Variants in IL17B observed in about 807,000 individuals in gnomAD.
IL17B encodes interleukin 17B, also known as interleukin-17B.
IL17B carries 14 observed loss-of-function variants against 14.7 expected under a neutral mutation model. The observed-to-expected ratio is 0.95, with a 90% CI of 0.63 to 1.49. IL17B has a LOEUF of 1.49. IL17B is among the 40% of genes most tolerant of loss of function. IL17B has a pLI of 0.00. For synonymous variants in IL17B, 105 were observed against 94.8 expected (o/e 1.11, Z -0.62); for missense variants, 233 against 252.8 (o/e 0.92, Z 0.53).
intron 2 of IL17B, among the ~76,000 whole-genome samples, chr5:149,375,536 C>G (rs1309412835): frequency 1.3e-5 from 2 of 152,224 alleles, no homozygotes; most frequent in Non-Finnish European, 2.9e-5. Context: ...ACCGACCCTT[C>G]CAATGGTCAC....
chr5:149,395,345 T>C (rs1004592655), intron 1 of IL17B, among the ~76,000 whole-genome samples: 5 of 152,242 alleles, frequency 3.3e-5, no homozygotes, highest in South Asian at 2.1e-4. Context: ...CACATGCATG[T>C]GTCTTTATGG....
intron 1 of IL17B, among the ~76,000 whole-genome samples, chr5:149,386,833 G>A (rs1368510671): frequency 6.6e-6 from 1 of 152,168 alleles, no homozygotes; most frequent in Non-Finnish European, 1.5e-5. Context: ...AGCCTCCCAA[G>A]TAGCTGAGGT....
chr5:149,376,991 A>C lies in IL17B; in HGVS notation c.56T>G (p.Leu19Arg). 1.3e-6 allele frequency: 2 copies of C among 1,572,112 alleles called. No individual in the cohort carries two copies. The highest frequency in any genetic ancestry group is 1.7e-6 in the Non-Finnish European group (2 of 1,164,276). The change falls in exon 2 of 3, where the codon CTG becomes CGG. Residue 19 changes from leucine (L) to arginine (R), a missense_variant. By Grantham distance (102) the Leu-to-Arg change is moderately radical. Coordinates refer to ENST00000261796, the MANE Select transcript of IL17B (RefSeq NM_014443.3). ...GCTTTTGGGGCTCCTGGGCTGGCCCAGCCCCAGGAAGATGGAAATGGTAAG... is the reference window on the plus strand; with the variant it reads ...GCTTTTGGGGCTCCTGGGCTGGCCCCGCCCCAGGAAGATGGAAATGGTAAG... ...FLLTISIFLG[L>R]GQPRSPKSKR... is the part of the protein sequence containing the mutation.
upstream of IL17B, chr5:149,379,324 G>T: frequency 7.0e-7 from 1 of 1,425,916 alleles, no homozygotes; most frequent in East Asian, 2.3e-5. Flanking sequence ...AGCAATTATA[G>T]CTCAACTGGG....
chr5:149,394,737 TTC>T (rs1453342894), intron 1 of IL17B, among the ~76,000 whole-genome samples: 1 of 152,236 alleles, frequency 6.6e-6, no homozygotes, highest in Non-Finnish European at 1.5e-5. Flanking sequence ...AGCTGTTTTT[TTC>T]TTTCTTTTAG....
upstream of IL17B, chr5:149,379,297 G>A (rs1032485910): frequency 1.3e-6 from 2 of 1,585,400 alleles, no homozygotes; most frequent in Admixed American, 3.4e-5. Flanking sequence ...GAGAATGGCA[G>A]CAACAGGATG....
chr5:149,374,519 G>A lies in IL17B; in HGVS notation c.393C>T (p.Thr131=). ...TCACCATGCTGCGGTCCTCCTGCATGGTGAAGGGGTTCACACAGCCCAGAC... is the reference window on the plus strand; with the variant it reads ...TCACCATGCTGCGGTCCTCCTGCATAGTGAAGGGGTTCACACAGCCCAGAC... ...CLCLGCVNPF[T]MQEDRSMVSV... Residue 131 remains threonine (T), a synonymous_variant, in exon 3 of 3, where the codon ACC becomes ACT. Transcript: ENST00000261796. This position sits in a 1 kb window ranked among gnomAD's most constrained non-coding sequence, Gnocchi z 5.0. 6.2e-7 allele frequency: 1 copy of A among 1,613,310 alleles called. No individual in the cohort carries two copies.
chr5:149,403,218 G>A (rs938672392), intron 1 of IL17B, among the ~76,000 whole-genome samples: 3 of 151,878 alleles, frequency 2.0e-5, no homozygotes, highest in Admixed American at 1.3e-4. Context: ...CCAAGGAGCT[G>A]GGATTACAGG....
Position 149,376,963 on chromosome 5 carries a change from C to T in IL17B, c.84G>A (p.Lys28=). The stretch of plus-strand genomic sequence containing the variant: ...GCCCAGGCCGCCCTTGCCCCTTCCT[C>T]TTGCTTTTGGGGCTCCTGGGCTGGC... The part of the protein sequence containing the change: ...GLGQPRSPKS[K]RKGQGRPGPL... Residue 28 remains lysine (K), a synonymous_variant, in exon 2 of 3, where the codon AAG becomes AAA. Coordinates refer to ENST00000261796, the MANE Select transcript of IL17B (RefSeq NM_014443.3). The T allele has an allele frequency of 1.9e-6, 3 of 1,605,288 alleles. No individual in the cohort carries two copies. Among genetic ancestry groups the T allele is most frequent in the Non-Finnish European group, 2.5e-6 (3 of 1,176,710 alleles).
chr5:149,393,060 T>C (rs1759018802), intron 1 of IL17B, among the ~76,000 whole-genome samples: 1 of 152,048 alleles, frequency 6.6e-6, no homozygotes, highest in South Asian at 2.1e-4. Flanking sequence ...CGCATGTGTG[T>C]CTGCGTGTGT....
At chr5:149,377,653 A>G (rs553835933) in intron 1 of IL17B, among the ~76,000 whole-genome samples, 1 of 152,282 alleles carries the variant, frequency 6.6e-6, no homozygotes, top group Admixed American at 6.5e-5. Flanking sequence ...CAAGTCCAGG[A>G]TGGGCCCATT....
chr5:149,399,154 C>T (rs1352318067), intron 1 of IL17B, among the ~76,000 whole-genome samples: 1 of 152,164 alleles, frequency 6.6e-6, no homozygotes, highest in East Asian at 1.9e-4. Context: ...ACTATGGGAG[C>T]TACAAGACGA....
intron 1 of IL17B, among the ~76,000 whole-genome samples, chr5:149,401,562 G>A (rs955673098): frequency 6.6e-6 from 1 of 152,016 alleles, no homozygotes; most frequent in Non-Finnish European, 1.5e-5. Context: ...AAACTAGCCG[G>A]GTGTGGCAGC....
At chr5:149,380,573 C>T (rs1758667195), upstream of IL17B, among the ~76,000 whole-genome samples, 4 of 152,100 alleles carry the variant, frequency 2.6e-5, no homozygotes, top group Admixed American at 2.6e-4. Context: ...GCTCAACTGA[C>T]CACCTCCTCT....
rs1204927895 is a variant in IL17B at position 149,374,891 on chromosome 5, T to C, written c.312-291A>G. ...CCAGTACTAGGTTGCGCTGTGGGGA[T>C]TGTGGAGTAGCCCTCTACCACCTAG... On this transcript the variant is annotated intron_variant, in intron 2 of 2. Transcript: ENST00000261796. This position sits in a 1 kb window ranked among gnomAD's most constrained non-coding sequence, Gnocchi z 5.0. The C allele has an allele frequency of 2.9e-6, 1 of 343,964 alleles. No individual in the cohort carries two copies. Among genetic ancestry groups the C allele is most frequent in the Non-Finnish European group, 5.4e-6 (1 of 185,736 alleles). The allele number at this position is 343,964 out of a possible 1,614,324, so 21.3% of individuals were successfully genotyped here. A position where few individuals can be genotyped will look rare whatever the true frequency, so the allele number is the denominator to read the frequency against.
upstream of IL17B, among the ~76,000 whole-genome samples, chr5:149,383,934 CCAAGT>C (rs1758764166): frequency 6.6e-6 from 1 of 152,212 alleles, no homozygotes; most frequent in African/African-American, 2.4e-5. Flanking sequence ...CTTGAAAACA[CCAAGT>C]TTGTGTTTCT....
chr5:149,397,086 A>G (rs2127622533), intron 1 of IL17B, among the ~76,000 whole-genome samples: 1 of 152,310 alleles, frequency 6.6e-6, no homozygotes, highest in Non-Finnish European at 1.5e-5. Flanking sequence ...CTGCAAGTAT[A>G]TGTTGTACAT....
intron 2 of IL17B, among the ~76,000 whole-genome samples, chr5:149,375,539 A>G (rs1038421567): frequency 3.9e-5 from 6 of 152,200 alleles, no homozygotes; most frequent in African/African-American, 1.4e-4. Context: ...GACCCTTCCA[A>G]TGGTCACATT....
intron 1 of IL17B, among the ~76,000 whole-genome samples, chr5:149,392,226 G>A (rs1340249559): frequency 6.6e-6 from 1 of 152,240 alleles, no homozygotes; most frequent in Non-Finnish European, 1.5e-5. Flanking sequence ...AGGCTTTGCA[G>A]CATTGTTTGT....
Sources: allele counts gnomAD v4.1 joint callset (sites outside exome capture counted in the v4.1 genomes callset), GRCh38; gene constraint gnomAD v4.1.1; non-coding constraint Gnocchi (gnomAD v3.1); transcripts MANE v1.5; gene names NCBI Gene and HGNC (gene_info 2026-07-23, HGNC 2026-07-21).